CTBP2: variants seen among roughly 807,000 people sequenced by gnomAD.
CTBP2 encodes C-terminal-binding protein 2.
In CTBP2, 30 loss-of-function variants were observed where a neutral mutation model predicts 80.3. That is an observed-to-expected ratio of 0.37 (90% CI 0.28 to 0.51). CTBP2 has a LOEUF of 0.51. CTBP2 is among the 20% of genes least tolerant of loss of function. The pLI is 0.93. For missense variants in CTBP2, 1,212 were observed against 1,375.3 expected, an observed-to-expected ratio of 0.88 and a Z score of 1.88; for synonymous variants, 594 against 587.4, an observed-to-expected ratio of 1.01 and a Z score of -0.16.
chr10:125,113,284 C>T (rs1056130401), intron 1 of CTBP2, among the ~76,000 whole-genome samples: 6 of 152,224 alleles, frequency 3.9e-5, no homozygotes, highest in African/African-American at 1.4e-4. Flanking sequence ...TGGCAAACTC[C>T]TATCCACCCT....
At chr10:125,070,152 C>T (rs1405036205) in intron 2 of CTBP2, among the ~76,000 whole-genome samples, 2 of 151,922 alleles carry the variant, frequency 1.3e-5, no homozygotes, top group African/African-American at 4.8e-5. Flanking sequence ...GAGATCTACA[C>T]CACCCTGGCT....
rs113437172 is a variant in CTBP2, at chr10:124,984,764, C to G, written c.*4754G>C. The G allele has an allele frequency of 1.5e-5, 24 of 1,611,066 alleles. No homozygotes were observed. In the South Asian group the frequency reaches 2.6e-4, roughly 18 times the overall value. On this transcript the variant is annotated 3_prime_UTR_variant, in exon 9 of 9. Coordinates refer to ENST00000309035, the MANE Select transcript of CTBP2 (RefSeq NM_022802.3). The stretch of plus-strand genomic sequence containing the variant: ...ATGATTTTCCCTTTGTCTTCATATT[C>G]CTCCAAAAGCTAGGTAATGAGGAAC...
Position 125,050,919 on chromosome 10 carries a change from A to G in CTBP2, c.-101-11764T>C, listed in dbSNP as rs563175575. 3.3e-5 allele frequency among the ~76,000 whole-genome samples: 5 copies of G among 152,326 alleles called. No individual in the cohort carries two copies. The South Asian group carries it at 6.2e-4, about 19-fold the overall frequency. On this transcript the variant is annotated intron_variant, in intron 2 of 10. Coordinates refer to the CTBP2 transcript ENST00000337195. Reference sequence around the variant, plus strand: ...GGGGTCCTCACAGGCCTCCTGCACCAAAGTCCTCTGGAGAGGGAGACATCT... The same window carrying G: ...GGGGTCCTCACAGGCCTCCTGCACCGAAGTCCTCTGGAGAGGGAGACATCT...
At chr10:125,141,157 TAAATAA>T (rs1857746685) in intron 1 of CTBP2, among the ~76,000 whole-genome samples, 1 of 149,832 alleles carries the variant, frequency 6.7e-6, no homozygotes, top group Admixed American at 6.6e-5. Flanking sequence ...AAAAAAAGAA[TAAATAA>T]AAATAAAAAC....
At chr10:125,017,132 G>A (rs1956576764) in intron 1 of CTBP2, among the ~76,000 whole-genome samples, 1 of 152,244 alleles carries the variant, frequency 6.6e-6, no homozygotes, top group Admixed American at 6.5e-5. Context: ...ACAGCTGACT[G>A]TATCCAGCCA....
At chr10:125,013,031 C>T (rs985296655) in intron 1 of CTBP2, among the ~76,000 whole-genome samples, 13 of 152,194 alleles carry the variant, frequency 8.5e-5, no homozygotes, top group African/African-American at 3.1e-4. Flanking sequence ...AAGCTGCCAG[C>T]CAGCAGCAAA....
At chr10:125,055,759 G>A (rs1963761266) in intron 2 of CTBP2, among the ~76,000 whole-genome samples, 1 of 152,212 alleles carries the variant, frequency 6.6e-6, no homozygotes, top group Non-Finnish European at 1.5e-5. Flanking sequence ...AATCAAAGAG[G>A]CAGGTAGACA....
At chr10:125,056,578 G>T (rs1263762415) in intron 2 of CTBP2, among the ~76,000 whole-genome samples, 1 of 152,214 alleles carries the variant, frequency 6.6e-6, no homozygotes, top group Non-Finnish European at 1.5e-5. Context: ...GTCATCTGCT[G>T]AAAACTCACT....
At chr10:125,122,449 T>C (rs371615959) in intron 1 of CTBP2, among the ~76,000 whole-genome samples, 1 of 152,236 alleles carries the variant, frequency 6.6e-6, no homozygotes, top group Non-Finnish European at 1.5e-5. Context: ...CAAAGCCACA[T>C]AGGTGCAACA....
chr10:125,152,923 AC>A (rs956680513), intron 1 of CTBP2, among the ~76,000 whole-genome samples: 3 of 152,092 alleles, frequency 2.0e-5, no homozygotes, highest in African/African-American at 7.2e-5. Context: ...ATTATTGGTC[AC>A]CCCCCACTGG....
At position 124,984,737 on chromosome 10, in the gene CTBP2, G is replaced by A. The variant is rs1406326659; in HGVS notation, c.*4781C>T. On this transcript the variant is annotated 3_prime_UTR_variant, in exon 9 of 9. Coordinates refer to ENST00000309035, the MANE Select transcript of CTBP2 (RefSeq NM_022802.3). ...ATTCCTACCAAGTCTCTGATCTGTT[G>A]TATGATTTTCCCTTTGTCTTCATAT... 1 of 1,598,190 alleles carries A rather than the reference G, an allele frequency of 6.3e-7. No individual in the cohort carries two copies. Among genetic ancestry groups the A allele is most frequent in the East Asian group, 2.2e-5 (1 of 44,730 alleles).
At chr10:125,131,585 C>T (rs1590981203) in intron 1 of CTBP2, among the ~76,000 whole-genome samples, 1 of 152,346 alleles carries the variant, frequency 6.6e-6, no homozygotes, top group East Asian at 1.9e-4. Context: ...CGGGTTGGAA[C>T]TACCCAACTC....
chr10:125,150,387 A>T (rs187151738), intron 1 of CTBP2, among the ~76,000 whole-genome samples: 6 of 152,216 alleles, frequency 3.9e-5, no homozygotes, highest in Admixed American at 2.6e-4. Flanking sequence ...GCATTCTTGG[A>T]GTGTGGGGTG....
rs1956144076 is a variant in CTBP2 at position 125,013,423 on chromosome 10, G to GCCGTGC, written c.1679-9932_1679-9931insGCACGG. 2.6e-5 allele frequency among the ~76,000 whole-genome samples: 4 copies of GCCGTGC among 152,338 alleles called. No homozygotes were observed. The South Asian group carries it at 8.3e-4, about 32-fold the overall frequency. ...AAAATAGTCTCGTGCGGGCACCGCT[G>GCCGTGC]CCGTCAGCCTCTTTTACTTAATTGG... On this transcript the variant is annotated intron_variant, in intron 1 of 8. Coordinates refer to ENST00000309035, the MANE Select transcript of CTBP2 (RefSeq NM_022802.3).
At chr10:125,121,011 C>A (rs1002481772) in intron 1 of CTBP2, among the ~76,000 whole-genome samples, 1 of 152,232 alleles carries the variant, frequency 6.6e-6, no homozygotes, top group Non-Finnish European at 1.5e-5. Context: ...AAAGGCATTA[C>A]ATAAATGGGC....
chr10:125,131,019 TGGGGAGGCAGACAGGC>T (rs1344015341), intron 1 of CTBP2, among the ~76,000 whole-genome samples: 4 of 152,102 alleles, frequency 2.6e-5, no homozygotes, highest in South Asian at 2.1e-4. Flanking sequence ...AGAGACTTCT[TGGGGAGGCAGACAGGC>T]GGGGAGGCAG....
chr10:125,097,880 G>GC (rs1849786114), intron 2 of CTBP2, among the ~76,000 whole-genome samples: 3 of 152,146 alleles, frequency 2.0e-5, no homozygotes, highest in Admixed American at 1.3e-4. Flanking sequence ...ACCTTGGGAG[G>GC]CCAAGGCAGG....
upstream of CTBP2, among the ~76,000 whole-genome samples, chr10:125,029,270 T>A (rs1299129649): frequency 7.1e-6 from 1 of 141,684 alleles, no homozygotes. Context: ...TGAGACCGAG[T>A]TTTGCTCGTT....
intron 1 of CTBP2, among the ~76,000 whole-genome samples, chr10:125,013,707 G>T (rs1458435189): frequency 6.6e-6 from 1 of 152,150 alleles, no homozygotes. Flanking sequence ...ACTTGCCCGG[G>T]GTCACACAGC....
Sources: gnomAD v4.1 joint callset for allele counts (sites outside exome capture counted in the v4.1 genomes callset) on GRCh38, gnomAD v4.1.1 for gene constraint, MANE v1.5 for transcripts, NCBI Gene and HGNC (gene_info 2026-07-23, HGNC 2026-07-21) for gene names.